The following CDCA7L variants were observed in gnomAD, a reference collection of about 807,000 sequenced individuals.
The protein encoded by CDCA7L is cell division cycle associated 7 like.
A neutral mutation model predicts 57.4 loss-of-function variants in CDCA7L; 44 were observed. The ratio of observed to expected loss-of-function variants is 0.77; its 90% CI spans 0.60 to 0.98. The LOEUF is 0.98. CDCA7L is among the 50% of genes least tolerant of loss of function. The pLI is 0.00. For synonymous variants in CDCA7L, 236 were observed against 202.8 expected, an observed-to-expected ratio of 1.16 and a Z score of -1.39; for missense variants, 644 against 580.6, an observed-to-expected ratio of 1.11 and a Z score of -1.12.
intron 2 of CDCA7L, among the ~76,000 whole-genome samples, chr7:21,916,027 A>G (rs1785471416): frequency 6.6e-6 from 1 of 152,118 alleles, no homozygotes; most frequent in Non-Finnish European, 1.5e-5. Context: ...TGGCCCACGT[A>G]ATTAAGCAGG....
rs777058471 is a variant in CDCA7L, at chr7:21,905,511, C to G, written c.1042G>C (p.Val348Leu). The change falls in exon 7 of 10, where the codon GTT (valine) becomes CTT (leucine). Residue 348 changes from valine (V) to leucine (L), a missense_variant. Val to Leu is a conservative substitution (Grantham distance 32). Coordinates refer to ENST00000406877, the MANE Select transcript of CDCA7L (RefSeq NM_018719.5). ...ACAATTAATGTATACTTTACCAGAA[C>G]TTTATCATAGATTTTATCTCGAACA... ...ITVRDKIYDK[V>L]LGNTCHQCRQ... 1 of 1,613,790 alleles carries G rather than the reference C, an allele frequency of 6.2e-7. No individual in the cohort carries two copies. The highest frequency in any genetic ancestry group is 2.2e-5 in the East Asian group (1 of 44,876).
At chr7:21,911,192 G>A (rs1785315048) in intron 3 of CDCA7L, among the ~76,000 whole-genome samples, 1 of 151,666 alleles carries the variant, frequency 6.6e-6, no homozygotes, top group East Asian at 1.9e-4. Flanking sequence ...ACCACGCCCG[G>A]CTAATTTTTG....
At chr7:21,902,764 T>TG (rs1784970155) in intron 9 of CDCA7L, 1 of 537,940 alleles carries the variant, frequency 1.9e-6, no homozygotes, top group Admixed American at 3.4e-5. Flanking sequence ...AACGTGGAGT[T>TG]GAGTTGAAAA....
chr7:21,902,473 G>A (rs964393304), intron 9 of CDCA7L, 121 bp from the exon 10 acceptor site: 106 of 947,026 alleles, frequency 1.1e-4, no homozygotes, highest in Middle Eastern at 4.3e-4. Flanking sequence ...CCTGACACTC[G>A]AAATCCTGAC....
chr7:21,913,929 C>A (rs1024521333), intron 2 of CDCA7L, among the ~76,000 whole-genome samples: 2 of 152,202 alleles, frequency 1.3e-5, no homozygotes, highest in Non-Finnish European at 2.9e-5. Context: ...ATGCCAATCT[C>A]CACTCCACAC....
At chr7:21,902,588 T>A in intron 9 of CDCA7L, 1 of 453,428 alleles carries the variant, frequency 2.2e-6, no homozygotes, top group African/African-American at 2.1e-5. Context: ...ATTAATTACA[T>A]AAATGAAACT....
chr7:21,940,489 C>T (rs1185100444), intron 1 of CDCA7L, among the ~76,000 whole-genome samples: 1 of 152,168 alleles, frequency 6.6e-6, no homozygotes, highest in South Asian at 2.1e-4. Flanking sequence ...CTGATGAAAA[C>T]TGAGTCGTAA....
intron 6 of CDCA7L, 83 bp from the exon 7 acceptor site, chr7:21,905,714 T>G: frequency 2.1e-6 from 3 of 1,424,692 alleles, no homozygotes; most frequent in Non-Finnish European, 2.8e-6. Flanking sequence ...CTCAAAGATC[T>G]AGCACCATTA....
At chr7:21,922,121 G>C (rs1287027151) in intron 1 of CDCA7L, among the ~76,000 whole-genome samples, 2 of 152,054 alleles carry the variant, frequency 1.3e-5, no homozygotes, top group Admixed American at 1.3e-4. Context: ...AAGTCAAAAA[G>C]GTACACTCTG....
At chr7:21,906,489 G>A in intron 5 of CDCA7L, 33 bp from the exon 6 acceptor site, 1 of 1,610,926 alleles carries the variant, frequency 6.2e-7, no homozygotes, top group Non-Finnish European at 8.5e-7. Flanking sequence ...AGACAACTGG[G>A]GACTCTCTCG....
chr7:21,940,099 C>A (rs1440279453), intron 1 of CDCA7L, among the ~76,000 whole-genome samples: 1 of 152,062 alleles, frequency 6.6e-6, no homozygotes, highest in Non-Finnish European at 1.5e-5. Context: ...AGAATGCTGA[C>A]AGATGCAGTG....
chr7:21,925,534 T>C (rs1018311382), intron 1 of CDCA7L, among the ~76,000 whole-genome samples: 1 of 152,200 alleles, frequency 6.6e-6, no homozygotes, highest in Non-Finnish European at 1.5e-5. Context: ...CAGGAAAATG[T>C]AGCTAAACTC....
intron 1 of CDCA7L, among the ~76,000 whole-genome samples, chr7:21,925,465 C>T (rs762276067): frequency 2.0e-5 from 3 of 152,168 alleles, no homozygotes; most frequent in Non-Finnish European, 4.4e-5. Context: ...CCATCATATA[C>T]ATCTAAAATA....
intron 1 of CDCA7L, among the ~76,000 whole-genome samples, chr7:21,933,655 G>T (rs1289093901): frequency 6.6e-6 from 1 of 152,148 alleles, no homozygotes; most frequent in Non-Finnish European, 1.5e-5. Flanking sequence ...GCCCGTCGGG[G>T]TTGGGGGACT....
chr7:21,901,663 A>G lies in CDCA7L; in HGVS notation c.*659T>C, dbSNP rs1383460068. Reference sequence around the variant, plus strand: ...CGGAGATTTTAATTTTTAACAAACAACAAATTAAATTATTAGCCCTTAAAC... The same window carrying G: ...CGGAGATTTTAATTTTTAACAAACAGCAAATTAAATTATTAGCCCTTAAAC... On this transcript the variant is annotated 3_prime_UTR_variant, in exon 10 of 10. Transcript: ENST00000406877. 6.3e-6 allele frequency: 1 copy of G among 157,504 alleles called. No homozygotes were observed. Among genetic ancestry groups the G allele is most frequent in the Non-Finnish European group, 1.4e-5 (1 of 71,450 alleles). The allele number at this position is 157,504 out of a possible 1,614,324, so 9.8% of individuals were successfully genotyped here.
At chr7:21,907,846 A>C (rs1055697968) in intron 4 of CDCA7L, among the ~76,000 whole-genome samples, 1 of 152,122 alleles carries the variant, frequency 6.6e-6, no homozygotes, top group Admixed American at 6.5e-5. Flanking sequence ...CAACACAACT[A>C]TATACTTAGA....
rs1785208904 is a variant in CDCA7L, at chr7:21,908,432, TATCTTCTTCTTC to T, written c.367_378del (p.Glu123_Asp126del). The T allele has an allele frequency of 6.3e-7, 1 of 1,579,254 alleles. No homozygotes were observed. The highest frequency in any genetic ancestry group is 8.6e-7 in the Non-Finnish European group (1 of 1,169,094). On this transcript the variant is annotated inframe_deletion, in exon 4 of 10. Coordinates refer to ENST00000406877, the MANE Select transcript of CDCA7L (RefSeq NM_018719.5). ...GACCTGCTTCTTCTAGGGGTAGCCT[TATCTTCTTCTTC>T]ATCTTCCTCTTCCTCGCTCACCAAA... is the stretch of plus-strand genomic sequence containing the variant.
At chr7:21,915,343 A>C (rs765546690) in intron 2 of CDCA7L, among the ~76,000 whole-genome samples, 1 of 152,208 alleles carries the variant, frequency 6.6e-6, no homozygotes, top group Non-Finnish European at 1.5e-5. Context: ...ACTGGTAGTC[A>C]GAAACCACCT....
intron 2 of CDCA7L, among the ~76,000 whole-genome samples, chr7:21,916,514 T>TAAAAAAAA (rs71557529): frequency 9.5e-6 from 1 of 105,150 alleles, no homozygotes; most frequent in African/African-American, 3.7e-5. Context: ...TCCCTTTATT[T>TAAAAAAAA]AAAAAAAAAA....
Sources: gnomAD v4.1 joint callset for allele counts (sites outside exome capture counted in the v4.1 genomes callset) on GRCh38, gnomAD v4.1.1 for gene constraint, MANE v1.5 for transcripts, NCBI Gene and HGNC (gene_info 2026-07-23, HGNC 2026-07-21) for gene names.